Variants in STAU2 observed in about 807,000 individuals in gnomAD.
STAU2 encodes the protein double-stranded RNA-binding protein Staufen homolog 2.
STAU2 carries 20 observed loss-of-function variants against 65.9 expected under a neutral mutation model. The ratio of observed to expected loss-of-function variants is 0.30; its 90% CI spans 0.21 to 0.44. STAU2 has a LOEUF of 0.44. STAU2 is among the 20% of genes least tolerant of loss of function. The pLI, the probability that STAU2 is intolerant of heterozygous loss-of-function variation, is 1.00. For missense variants in STAU2, 558 were observed against 683.9 expected (o/e 0.82, Z 2.05); for synonymous variants, 232 against 233.9 (o/e 0.99, Z 0.07).
chr8:73,500,249 C>A (rs1228384554), intron 13 of STAU2, among the ~76,000 whole-genome samples: 1 of 151,874 alleles, frequency 6.6e-6, no homozygotes, highest in African/African-American at 2.4e-5. Context: ...TGCATATGAT[C>A]TATGCACATC....
At chr8:73,722,167 G>A (rs1194055429) in intron 3 of STAU2, among the ~76,000 whole-genome samples, 1 of 152,140 alleles carries the variant, frequency 6.6e-6, no homozygotes, top group African/African-American at 2.4e-5. Context: ...TCTTATAACA[G>A]TATACCTCCA....
At chr8:73,728,638 T>G (rs1039766594) in intron 3 of STAU2, among the ~76,000 whole-genome samples, 3 of 152,218 alleles carry the variant, frequency 2.0e-5, no homozygotes, top group African/African-American at 7.2e-5. Flanking sequence ...TAGTTTACAG[T>G]GCACAAGTCT....
chr8:73,634,106 G>T (rs898953879), intron 6 of STAU2, among the ~76,000 whole-genome samples: 2 of 152,072 alleles, frequency 1.3e-5, no homozygotes, highest in Admixed American at 6.5e-5. Flanking sequence ...CATAATCAAA[G>T]AAATGCAAAT....
chr8:73,650,287 A>T (rs1385682157), intron 6 of STAU2, among the ~76,000 whole-genome samples: 1 of 152,090 alleles, frequency 6.6e-6, no homozygotes, highest in Non-Finnish European at 1.5e-5. Flanking sequence ...ATAAATTATG[A>T]CCCATTAACA....
At chr8:73,666,287 TAAAC>T (rs1369715042) in intron 6 of STAU2, among the ~76,000 whole-genome samples, 2 of 152,176 alleles carry the variant, frequency 1.3e-5, no homozygotes, top group South Asian at 2.1e-4. Context: ...TGAAATGTAA[TAAAC>T]AAGCTGTTTT....
intron 13 of STAU2, among the ~76,000 whole-genome samples, chr8:73,514,624 A>C (rs1020026028): frequency 1.6e-4 from 24 of 152,210 alleles, no homozygotes; most frequent in African/African-American, 5.8e-4. Flanking sequence ...CTCCTAAAAG[A>C]AGCTTAATCA....
rs1373807352 is a variant in STAU2 at position 73,709,180 on chromosome 8, A to G, written c.-17-18T>C. ...GAGAGAAGCTGTAAATAAAAAGGCT[A>G]TAAAGTTTTTGTGAAGAATGACTTT... On this transcript the variant is annotated intron_variant, in intron 3 of 14. Transcript: ENST00000524300. The G allele has an allele frequency of 5.4e-6, 8 of 1,485,810 alleles. No homozygotes were observed. In the Admixed American group the frequency reaches 1.4e-4, roughly 25 times the overall value. The allele number at this position is 1,485,810 out of a possible 1,614,324, so 92.0% of individuals were successfully genotyped here. A position where few individuals can be genotyped will look rare whatever the true frequency, so the allele number is the denominator to read the frequency against.
At position 73,487,396 on chromosome 8, in the gene STAU2, G is replaced by GA. The variant is rs1263772229; in HGVS notation, c.1530+64615dup. Among the ~76,000 whole-genome samples the GA allele has an allele frequency of 3.9e-5, 6 of 152,108 alleles. No homozygotes were observed. The East Asian group carries it at 9.7e-4, about 25-fold the overall frequency. On this transcript the variant is annotated intron_variant, in intron 13 of 14. Coordinates refer to ENST00000524300, the MANE Select transcript of STAU2 (RefSeq NM_001164380.2). Reference sequence around the variant, plus strand: ...ACTAATAGCCATTGGAAATTAATAAGAAAGTGAAGAGGTGACTTGTGAATT... The same window carrying GA: ...ACTAATAGCCATTGGAAATTAATAAGAAAAGTGAAGAGGTGACTTGTGAATT...
intron 6 of STAU2, among the ~76,000 whole-genome samples, chr8:73,637,463 T>TTAAAAAAAAAA (rs1563473627): frequency 1.8e-5 from 1 of 56,578 alleles, no homozygotes; most frequent in African/African-American, 6.1e-5. Context: ...AAAGTCTTTA[T>TTAAAAAAAAAA]AAAGTGCTGA....
At chr8:73,717,725 G>A (rs745477100) in intron 3 of STAU2, among the ~76,000 whole-genome samples, 1 of 152,112 alleles carries the variant, frequency 6.6e-6, no homozygotes, top group Non-Finnish European at 1.5e-5. Flanking sequence ...TCAGCTCACT[G>A]CAACCTCCAC....
chr8:73,668,584 G>A (rs139001898), intron 6 of STAU2, among the ~76,000 whole-genome samples: 3 of 152,272 alleles, frequency 2.0e-5, no homozygotes, highest in Non-Finnish European at 4.4e-5. Context: ...ACAAAAGCAC[G>A]AAGTGTTCTC....
At chr8:73,440,153 G>GCTTTTCCTTCTTCCTGA (rs1173481329) in intron 13 of STAU2, 1 of 152,194 alleles carries the variant, frequency 6.6e-6, no homozygotes, top group Non-Finnish European at 1.5e-5. Context: ...TGTGCAGCTG[G>GCTTTTCCTTCTTCCTGA]CTTTTCCTTC....
At chr8:73,622,384 C>G (rs140817260) in intron 6 of STAU2, among the ~76,000 whole-genome samples, 305 of 152,234 alleles carry the variant, frequency 2.0e-3, no homozygotes, top group African/African-American at 6.9e-3. Context: ...CTCGGCCTCT[C>G]AAAGTGCTGA....
At chr8:73,673,897 T>C (rs1211839834) in intron 5 of STAU2, among the ~76,000 whole-genome samples, 1 of 151,954 alleles carries the variant, frequency 6.6e-6, no homozygotes, top group Non-Finnish European at 1.5e-5. Flanking sequence ...GTCCATAGCA[T>C]AAAACACTGA....
chr8:73,691,900 T>TG (rs1819344279), intron 4 of STAU2, among the ~76,000 whole-genome samples: 1 of 152,168 alleles, frequency 6.6e-6, no homozygotes. Flanking sequence ...AGCCAACTCT[T>TG]GGCAGGCCCC....
intron 4 of STAU2, among the ~76,000 whole-genome samples, chr8:73,699,876 A>AAAAAC (rs1819966011): frequency 6.6e-6 from 1 of 151,572 alleles, no homozygotes; most frequent in Non-Finnish European, 1.5e-5. Context: ...AAAAAAAAAA[A>AAAAAC]AAACCTACAG....
At position 73,446,364 on chromosome 8, in the gene STAU2, G is replaced by T. The variant is rs113740741; in HGVS notation, c.1531-23662C>A. 4.2e-3 allele frequency among the ~76,000 whole-genome samples: 640 copies of T among 152,240 alleles called. 8 individuals carry two copies. The highest frequency in any genetic ancestry group is 0.014 in the African/African-American group (599 of 41,544). ...GACAGAATAGCTTTGTATCTCGATC[G>T]CTGAGTGGTTGCACAAATCTTACAC... is the stretch of plus-strand genomic sequence containing the variant. On this transcript the variant is annotated intron_variant, in intron 13 of 14. Transcript: ENST00000524300.
intron 13 of STAU2, among the ~76,000 whole-genome samples, chr8:73,478,412 G>C (rs1454074669): frequency 1.3e-5 from 2 of 151,826 alleles, no homozygotes; most frequent in African/African-American, 4.8e-5. Flanking sequence ...GGCTGCATGT[G>C]GCCCATGGGC....
At chr8:73,689,582 G>A (rs1349623071) in intron 4 of STAU2, among the ~76,000 whole-genome samples, 1 of 152,052 alleles carries the variant, frequency 6.6e-6, no homozygotes, top group Non-Finnish European at 1.5e-5. Context: ...AACATGCTCT[G>A]AATTCCATTC....
Sources: allele counts gnomAD v4.1 joint callset (sites outside exome capture counted in the v4.1 genomes callset), GRCh38; gene constraint gnomAD v4.1.1; transcripts MANE v1.5; gene names NCBI Gene and HGNC (gene_info 2026-07-23, HGNC 2026-07-21).